The following CELF2 variants were observed in gnomAD, a reference collection of about 807,000 sequenced individuals.
CELF2 encodes the protein CUG triplet repeat RNA-binding protein 2.
In CELF2, 8 loss-of-function variants were observed where a neutral mutation model predicts 62.6. That is an observed-to-expected ratio of 0.13 (90% CI 0.07 to 0.23). The LOEUF (loss-of-function observed/expected upper bound fraction) is 0.23. Ranked by LOEUF, CELF2 falls within the 10% of genes least tolerant of loss-of-function variation. The pLI, the probability that CELF2 is intolerant of heterozygous loss-of-function variation, is 1.00. For synonymous variants in CELF2, 258 were observed against 250.0 expected (o/e 1.03, Z -0.30); for missense variants, 333 against 671.0 (o/e 0.50, Z 5.56).
At chr10:10,999,737 G>A (rs1025000435) in intron 2 of CELF2, among the ~76,000 whole-genome samples, 17 of 152,306 alleles carry the variant, frequency 1.1e-4, no homozygotes, top group African/African-American at 3.6e-4. Flanking sequence ...TCACCTTCCA[G>A]GAAGGAAGGC....
intron 1 of CELF2, among the ~76,000 whole-genome samples, chr10:11,087,693 A>G (rs2047189672): frequency 6.6e-6 from 1 of 152,152 alleles, no homozygotes; most frequent in Non-Finnish European, 1.5e-5. Flanking sequence ...ACACATACCC[A>G]CAGAAACATC....
rs1322314239 is a variant in CELF2 at position 11,319,652 on chromosome 10, G to A, written c.1097-1537G>A. On this transcript the variant is annotated intron_variant, in intron 10 of 12. Coordinates refer to ENST00000633077, the MANE Select transcript of CELF2 (RefSeq NM_001326342.2). The surrounding 1 kb of genome is among the most constrained non-coding windows in gnomAD (Gnocchi z 4.4). The stretch of plus-strand genomic sequence containing the variant: ...ACCTCTGAACTGAGCCTGCACTCAG[G>A]AGGCTGCCACTCCATTCTCACGCCA... 1 of 411,784 alleles carries A rather than the reference G, an allele frequency of 2.4e-6. No individual in the cohort carries two copies. The highest frequency in any genetic ancestry group is 5.1e-6 in the Non-Finnish European group (1 of 197,010). 25.5% of individuals were successfully genotyped at this position (411,784 alleles called of 1,614,324 possible). A position where few individuals can be genotyped will look rare whatever the true frequency, so the allele number is the denominator to read the frequency against.
At chr10:11,028,790 G>A (rs566692696) in intron 1 of CELF2, among the ~76,000 whole-genome samples, 5 of 150,280 alleles carry the variant, frequency 3.3e-5, no homozygotes, top group Non-Finnish European at 3.0e-5. Context: ...TGCGATCTTG[G>A]CTCACTGCAA....
chr10:10,520,637 A>G, the CELF2 span, among the ~76,000 whole-genome samples: 1 of 152,194 alleles, frequency 6.6e-6, no homozygotes, highest in Non-Finnish European at 1.5e-5. Flanking sequence ...GGGGAACAGC[A>G]GCCGGAAAGC....
At chr10:11,003,128 T>C (rs1015060616), upstream of CELF2, among the ~76,000 whole-genome samples, 11 of 152,210 alleles carry the variant, frequency 7.2e-5, no homozygotes, top group African/African-American at 2.4e-4. The surrounding 1 kb of genome is among the most constrained non-coding windows in gnomAD (Gnocchi z 4.4). Context: ...CAATCTGTCA[T>C]CTTAGTGGCG....
the CELF2 span, among the ~76,000 whole-genome samples, chr10:10,702,776 G>A: frequency 4.6e-5 from 7 of 152,176 alleles, no homozygotes; most frequent in African/African-American, 1.7e-4. Flanking sequence ...AGTAGAGACG[G>A]GTTTTCGCCA....
intron 1 of CELF2, among the ~76,000 whole-genome samples, chr10:11,082,572 G>A (rs1299566810): frequency 6.6e-6 from 1 of 152,166 alleles, no homozygotes; most frequent in Non-Finnish European, 1.5e-5. Context: ...CTCTTCTGTG[G>A]CTCTCAAGTC....
chr10:11,094,482 G>A (rs1595103037), intron 1 of CELF2, among the ~76,000 whole-genome samples: 1 of 152,240 alleles, frequency 6.6e-6, no homozygotes. Flanking sequence ...AGTAAATCAG[G>A]TGACTTGAAA....
intron 2 of CELF2, among the ~76,000 whole-genome samples, chr10:11,197,994 G>A (rs1565240535): frequency 6.6e-6 from 1 of 152,176 alleles, no homozygotes; most frequent in Non-Finnish European, 1.5e-5. Flanking sequence ...ACTGTCACCT[G>A]GTAACCAGAC....
chr10:10,845,656 CAG>C (rs969756816), intron 1 of CELF2, among the ~76,000 whole-genome samples: 1 of 152,156 alleles, frequency 6.6e-6, no homozygotes, highest in Admixed American at 6.6e-5. Flanking sequence ...ATACATGTCT[CAG>C]AATATCACAT....
chr10:11,033,860 G>A (rs372637647), intron 1 of CELF2, among the ~76,000 whole-genome samples: 2 of 152,146 alleles, frequency 1.3e-5, no homozygotes, highest in African/African-American at 4.8e-5. Flanking sequence ...TAGGACTTAC[G>A]AGTTACAAGC....
chr10:10,711,620 G>A, the CELF2 span, among the ~76,000 whole-genome samples: 4 of 152,132 alleles, frequency 2.6e-5, no homozygotes, highest in East Asian at 1.9e-4. Flanking sequence ...GGTGGCTCAC[G>A]CCTGTAATCC....
intron 1 of CELF2, among the ~76,000 whole-genome samples, chr10:10,836,797 G>T (rs760142355): frequency 6.6e-6 from 1 of 152,120 alleles, no homozygotes; most frequent in African/African-American, 2.4e-5. Context: ...CACCACGCCC[G>T]GCTAATTTTT....
At chr10:10,974,557 T>A (rs1365570265) in intron 2 of CELF2, among the ~76,000 whole-genome samples, 1 of 152,226 alleles carries the variant, frequency 6.6e-6, no homozygotes. Flanking sequence ...TGAAGAGTCA[T>A]GCACTGACTC....
chr10:10,664,455 C>T, the CELF2 span, among the ~76,000 whole-genome samples: 1 of 152,154 alleles, frequency 6.6e-6, no homozygotes, highest in Non-Finnish European at 1.5e-5. Context: ...CTCCTAGACA[C>T]CCTTGGATAT....
At chr10:10,707,239 A>G in the CELF2 span, among the ~76,000 whole-genome samples, 1 of 152,218 alleles carries the variant, frequency 6.6e-6, no homozygotes, top group African/African-American at 2.4e-5. Context: ...AGATTTTACA[A>G]TCACGCAGTT....
chr10:11,272,461 C>A (rs993577729), intron 7 of CELF2, among the ~76,000 whole-genome samples: 2 of 152,116 alleles, frequency 1.3e-5, no homozygotes, highest in Non-Finnish European at 2.9e-5. Context: ...CCTGTACTTT[C>A]TAAGAGTCCG....
intron 1 of CELF2, among the ~76,000 whole-genome samples, chr10:11,135,781 A>G (rs1340988287): frequency 2.6e-5 from 4 of 152,204 alleles, no homozygotes; most frequent in Admixed American, 6.5e-5. Flanking sequence ...CTGGAGTCCT[A>G]GAGGCAAAGG....
At chr10:10,489,576 T>G in the CELF2 span, among the ~76,000 whole-genome samples, 1 of 152,184 alleles carries the variant, frequency 6.6e-6, no homozygotes, top group Non-Finnish European at 1.5e-5. Flanking sequence ...AATTCAATTT[T>G]GATTCTTATA....
Sources: gnomAD v4.1 joint callset for allele counts (sites outside exome capture counted in the v4.1 genomes callset) on GRCh38, gnomAD v4.1.1 for gene constraint, Gnocchi (gnomAD v3.1) non-coding constraint, MANE v1.5 for transcripts, NCBI Gene and HGNC (gene_info 2026-07-23, HGNC 2026-07-21) for gene names.